Variants in ADAR observed in about 807,000 individuals in gnomAD.
ADAR encodes double-stranded RNA-specific adenosine deaminase.
ADAR carries 41 observed loss-of-function variants against 113.2 expected under a neutral mutation model. The observed-to-expected ratio is 0.36, with a 90% CI of 0.28 to 0.47. ADAR has a LOEUF of 0.47. Among genes scored for constraint, ADAR ranks in the 20% least tolerant of loss-of-function variants. ADAR has a pLI of 1.00. For synonymous variants in ADAR, 605 were observed against 572.6 expected (o/e 1.06, Z -0.81); for missense variants, 1,242 against 1,540.9 (o/e 0.81, Z 3.25).
Position 154,600,764 on chromosome 1 carries a change from G to A in ADAR, c.1601+277C>T, listed in dbSNP as rs531403658. The A allele has an allele frequency of 5.7e-5, 29 of 505,606 alleles. 1 individual carries two copies. The highest frequency in any genetic ancestry group is 9.0e-5 in the Non-Finnish European group (25 of 279,218). 31.3% of individuals were successfully genotyped at this position (505,606 alleles called of 1,614,324 possible). ...TGGGATTACAGGCATGAGCCACCGC[G>A]TACGGCCAAAACCAATCATTTCTAA... On this transcript the variant is annotated intron_variant, in intron 2 of 14. Coordinates refer to ENST00000368474, the MANE Select transcript of ADAR (RefSeq NM_001111.5).
intron 2 of ADAR, among the ~76,000 whole-genome samples, chr1:154,600,009 T>C (rs1697759033): frequency 6.6e-6 from 1 of 152,166 alleles, no homozygotes; most frequent in South Asian, 2.1e-4. Flanking sequence ...CCACTGTGTA[T>C]GCAGCCTGCC....
chr1:154,597,005 A>G lies in ADAR; in HGVS notation c.2080-10T>C. ...AGATCATACCTTCAGGCTAAAGGAG[A>G]ATCCATCAAACAGAGGAGCCATAAA... On this transcript the variant is annotated splice_polypyrimidine_tract_variant and intron_variant, in intron 5 of 14. Coordinates refer to ENST00000368474, the MANE Select transcript of ADAR (RefSeq NM_001111.5). The G allele has an allele frequency of 6.2e-7, 1 of 1,614,154 alleles. No individual in the cohort carries two copies. Among genetic ancestry groups the G allele is most frequent in the Non-Finnish European group, 8.5e-7 (1 of 1,180,012 alleles).
At chr1:154,613,337 T>C (rs1272849876) in intron 1 of ADAR, among the ~76,000 whole-genome samples, 3 of 136,326 alleles carry the variant, frequency 2.2e-5, no homozygotes, top group Non-Finnish European at 4.6e-5. Context: ...CAGGCTGGAG[T>C]GCAGTGGCAT....
chr1:154,612,442 C>T (rs1399408110), upstream of ADAR, among the ~76,000 whole-genome samples: 1 of 149,828 alleles, frequency 6.7e-6, no homozygotes, highest in African/African-American at 2.5e-5. Context: ...ATTCTCCTGC[C>T]TCAGCCTCCC....
chr1:154,597,165 G>T lies in ADAR; in HGVS notation c.2037C>A (p.Ala679=), dbSNP rs770874580. 1 of 1,614,054 alleles carries T rather than the reference G, an allele frequency of 6.2e-7. No homozygotes were observed. The highest frequency in any genetic ancestry group is 1.3e-5 in the African/African-American group (1 of 74,910). The part of the protein sequence containing the change: ...KQMAAEEAMK[A]LHGEATNSMA... ...TGGAGTTGGTCGCCTCCCCATGCAG[G>T]GCCTTCATGGCTTCCTCTGCGGCCA... Residue 679 remains alanine (A), a synonymous_variant, in exon 5 of 15, where the codon GCC becomes GCA. Coordinates refer to ENST00000368474, the MANE Select transcript of ADAR (RefSeq NM_001111.5).
Position 154,608,041 on chromosome 1 carries a change from G to A in ADAR, c.-35C>T. On this transcript the variant is annotated 5_prime_UTR_variant, in exon 1 of 15. Coordinates refer to ENST00000368474, the MANE Select transcript of ADAR (RefSeq NM_001111.5). ...GAGGCATTGCCCGGCCCGACCCGCCGGCGGCACGACCCTGGCCCGACCGCT... is the reference window on the plus strand; with the variant it reads ...GAGGCATTGCCCGGCCCGACCCGCCAGCGGCACGACCCTGGCCCGACCGCT... 2 of 1,566,416 alleles carry A rather than the reference G, an allele frequency of 1.3e-6. No homozygotes were observed. The highest frequency in any genetic ancestry group is 1.7e-6 in the Non-Finnish European group (2 of 1,155,484).
intron 2 of ADAR, chr1:154,600,782 A>G: frequency 3.6e-6 from 2 of 560,934 alleles, no homozygotes; most frequent in Middle Eastern, 4.9e-4. Flanking sequence ...AAAACCAATC[A>G]TTTCTAAAGA....
At chr1:154,605,058 G>A (rs1241924064) in intron 1 of ADAR, among the ~76,000 whole-genome samples, 2 of 152,170 alleles carry the variant, frequency 1.3e-5, no homozygotes, top group Non-Finnish European at 2.9e-5. Flanking sequence ...CTAGAAACCT[G>A]CGTCATCTTT....
Sources: allele counts gnomAD v4.1 joint callset (sites outside exome capture counted in the v4.1 genomes callset), GRCh38; gene constraint gnomAD v4.1.1; transcripts MANE v1.5; gene names NCBI Gene and HGNC (gene_info 2026-07-23, HGNC 2026-07-21).